Variants in EPHA6 observed in about 807,000 individuals in gnomAD.
EPHA6 encodes EPH receptor A6.
Under a neutral mutation model 112.0 loss-of-function variants are expected in EPHA6, and 50 were observed. That is an observed-to-expected ratio of 0.45 (90% CI 0.36 to 0.56). EPHA6 has a LOEUF of 0.56. EPHA6 is among the 20% of genes least tolerant of loss of function. EPHA6 has a pLI of 0.00. For missense variants in EPHA6, 1,280 were observed against 1,417.4 expected (o/e 0.90, Z 1.56); for synonymous variants, 529 against 490.7 (o/e 1.08, Z -1.03).
At position 97,638,013 on chromosome 3, in the gene EPHA6, A is replaced by G. The variant is rs1443221929; in HGVS notation, c.2715A>G (p.Val905=). The G allele has an allele frequency of 1.1e-5, 18 of 1,613,820 alleles. No homozygotes were observed. Among genetic ancestry groups the G allele is most frequent in the South Asian group, 2.2e-5 (2 of 91,088 alleles). ...ATATACTGGTCAATAGCAACTTAGT[A>G]TGCAAAGTTTCTGATTTTGGTCTCT... ...ARNILVNSNL[V]CKVSDFGLSR... The change falls in exon 14 of 18, where the codon GTA becomes GTG. Residue 905 remains valine (V), a synonymous_variant. Coordinates refer to ENST00000389672, the MANE Select transcript of EPHA6 (RefSeq NM_001080448.3).
chr3:97,560,312 G>C (rs1577780124), intron 11 of EPHA6, among the ~76,000 whole-genome samples: 1 of 152,022 alleles, frequency 6.6e-6, no homozygotes, highest in East Asian at 1.9e-4. Context: ...CTTCACAAGA[G>C]TGTATTTAAA....
chr3:97,608,422 A>G (rs1236866027), intron 12 of EPHA6, among the ~76,000 whole-genome samples: 1 of 151,368 alleles, frequency 6.6e-6, no homozygotes, highest in Non-Finnish European at 1.5e-5. Context: ...TGAAGCACCT[A>G]CTATGATTAG....
intron 14 of EPHA6, among the ~76,000 whole-genome samples, chr3:97,662,937 T>G (rs984415797): frequency 6.6e-6 from 1 of 152,324 alleles, no homozygotes; most frequent in East Asian, 1.9e-4. Context: ...TAAAGCCTGC[T>G]GGAACTCACT....
chr3:97,018,879 CG>C (rs1382041049), intron 3 of EPHA6, among the ~76,000 whole-genome samples: 1 of 152,142 alleles, frequency 6.6e-6, no homozygotes, highest in Non-Finnish European at 1.5e-5. Context: ...CCTTAGACCA[CG>C]GTCCGCCTGG....
intron 11 of EPHA6, among the ~76,000 whole-genome samples, chr3:97,541,519 G>A (rs1025484482): frequency 2.0e-5 from 3 of 152,004 alleles, no homozygotes; most frequent in Non-Finnish European, 2.9e-5. Flanking sequence ...GTTTTGTCAG[G>A]TTTTTCACTA....
chr3:97,330,922 C>T (rs888030908), intron 5 of EPHA6, among the ~76,000 whole-genome samples: 25 of 152,122 alleles, frequency 1.6e-4, no homozygotes, highest in African/African-American at 5.1e-4. Flanking sequence ...GAACTCTCCA[C>T]CCCAAATCAA....
intron 7 of EPHA6, among the ~76,000 whole-genome samples, chr3:97,469,809 G>T (rs1004926627): frequency 6.6e-6 from 1 of 151,532 alleles, no homozygotes; most frequent in Non-Finnish European, 1.5e-5. Flanking sequence ...TCCATATAAC[G>T]TGGATGTATT....
At chr3:97,670,613 A>G (rs1253519878) in intron 14 of EPHA6, among the ~76,000 whole-genome samples, 1 of 152,172 alleles carries the variant, frequency 6.6e-6, no homozygotes, top group African/African-American at 2.4e-5. Context: ...TGTGCAACAC[A>G]TAGGGCCCAG....
chr3:96,920,963 A>G (rs965857394), intron 2 of EPHA6, among the ~76,000 whole-genome samples: 1 of 152,092 alleles, frequency 6.6e-6, no homozygotes, highest in African/African-American at 2.4e-5. Context: ...AGAGAACCCT[A>G]CAAGTTATCT....
intron 3 of EPHA6, among the ~76,000 whole-genome samples, chr3:97,117,861 T>G (rs2108296504): frequency 6.6e-6 from 1 of 151,956 alleles, no homozygotes; most frequent in South Asian, 2.1e-4. Context: ...TATTTTATTC[T>G]TAAAAAACAA....
chr3:97,292,400 G>A (rs1322109994), intron 5 of EPHA6, among the ~76,000 whole-genome samples: 1 of 152,238 alleles, frequency 6.6e-6, no homozygotes, highest in Non-Finnish European at 1.5e-5. Context: ...CCAAGTTCTT[G>A]TCCTGCATAC....
intron 7 of EPHA6, among the ~76,000 whole-genome samples, chr3:97,470,219 T>C (rs1286675814): frequency 5.3e-5 from 8 of 151,746 alleles, no homozygotes; most frequent in Non-Finnish European, 1.2e-4. Context: ...AGGAGAATTT[T>C]CCTGTATTGG....
At chr3:97,165,552 T>G (rs1380121891) in intron 3 of EPHA6, among the ~76,000 whole-genome samples, 1 of 152,080 alleles carries the variant, frequency 6.6e-6, no homozygotes, top group African/African-American at 2.4e-5. Flanking sequence ...GAAAAATGTC[T>G]GAGCCTGGTA....
At chr3:96,929,230 T>G (rs2040194545) in intron 2 of EPHA6, among the ~76,000 whole-genome samples, 1 of 152,210 alleles carries the variant, frequency 6.6e-6, no homozygotes, top group African/African-American at 2.4e-5. Flanking sequence ...TAGCCCATTT[T>G]CTTTTAAGAT....
chr3:96,925,336 C>CT (rs765776765), intron 2 of EPHA6, among the ~76,000 whole-genome samples: 1 of 152,070 alleles, frequency 6.6e-6, no homozygotes. Flanking sequence ...CGTTATCAGT[C>CT]TATTGAGAGA....
chr3:96,971,984 A>G (rs773130254), intron 2 of EPHA6, among the ~76,000 whole-genome samples: 16 of 152,124 alleles, frequency 1.1e-4, no homozygotes, highest in Non-Finnish European at 1.5e-4. Context: ...GAAATTATAG[A>G]TTTATTATGA....
intron 3 of EPHA6, among the ~76,000 whole-genome samples, chr3:97,214,547 G>T (rs1453828006): frequency 6.7e-6 from 1 of 149,380 alleles, no homozygotes; most frequent in Non-Finnish European, 1.5e-5. Context: ...TATTTAGTTT[G>T]CCTTTAATAT....
chr3:97,204,596 T>A (rs1269753776), intron 3 of EPHA6, among the ~76,000 whole-genome samples: 1 of 152,150 alleles, frequency 6.6e-6, no homozygotes, highest in Non-Finnish European at 1.5e-5. Flanking sequence ...AATGAAAGAC[T>A]GTGTTCTTTC....
chr3:97,542,660 G>A (rs1159773317), intron 11 of EPHA6, among the ~76,000 whole-genome samples: 1 of 152,188 alleles, frequency 6.6e-6, no homozygotes, highest in Non-Finnish European at 1.5e-5. Context: ...GATCCCTGAA[G>A]AATCACCACA....
Sources: gnomAD v4.1 joint callset for allele counts (sites outside exome capture counted in the v4.1 genomes callset) on GRCh38, gnomAD v4.1.1 for gene constraint, MANE v1.5 for transcripts, NCBI Gene and HGNC (gene_info 2026-07-23, HGNC 2026-07-21) for gene names.